DMXL1: variants seen among roughly 807,000 people sequenced by gnomAD.
The protein encoded by DMXL1 is Dmx like 1.
In DMXL1, 99 loss-of-function variants were observed where a neutral mutation model predicts 319.2. The observed-to-expected ratio is 0.31, with a 90% confidence interval of 0.26 to 0.37. The LOEUF (loss-of-function observed/expected upper bound fraction) is 0.37, where lower values mean the gene tolerates loss of function less well. DMXL1 is among the 10% of genes least tolerant of loss of function. The pLI, the probability that DMXL1 is intolerant of heterozygous loss-of-function variation, is 1.00. For missense variants in DMXL1, 3,745 were observed against 3,595.6 expected (o/e 1.04, Z -1.06); for synonymous variants, 1,385 against 1,235.2 (o/e 1.12, Z -2.54).
intron 10 of DMXL1, among the ~76,000 whole-genome samples, chr5:119,130,805 G>C (rs1764699556): frequency 6.6e-6 from 1 of 151,998 alleles, no homozygotes; most frequent in Non-Finnish European, 1.5e-5. Flanking sequence ...ACAATGACTT[G>C]TCTTTTTCTT....
chr5:119,131,180 T>C (rs1373000455), intron 10 of DMXL1, among the ~76,000 whole-genome samples: 1 of 151,692 alleles, frequency 6.6e-6, no homozygotes, highest in Non-Finnish European at 1.5e-5. Flanking sequence ...TATTGATTTG[T>C]ATATCTTGAC....
At chr5:119,130,270 C>T (rs1463959956) in intron 10 of DMXL1, among the ~76,000 whole-genome samples, 2 of 152,026 alleles carry the variant, frequency 1.3e-5, no homozygotes, top group African/African-American at 2.4e-5. Context: ...CATCTAAATA[C>T]AGACACTTAA....
At chr5:119,198,643 A>G (rs1203243203) in intron 32 of DMXL1, among the ~76,000 whole-genome samples, 1 of 152,248 alleles carries the variant, frequency 6.6e-6, no homozygotes, top group Non-Finnish European at 1.5e-5. Context: ...TTCTAAAATC[A>G]GATGGAACCA....
At chr5:119,185,098 T>C (rs1777473223) in intron 28 of DMXL1, among the ~76,000 whole-genome samples, 2 of 152,118 alleles carry the variant, frequency 1.3e-5, no homozygotes, top group Non-Finnish European at 2.9e-5. Flanking sequence ...ACTTTCCTTC[T>C]TCCCCTTCTT....
chr5:119,144,102 C>T (rs1768006028), intron 14 of DMXL1, among the ~76,000 whole-genome samples, 172 bp downstream of exon 14: 1 of 151,786 alleles, frequency 6.6e-6, no homozygotes, highest in African/African-American at 2.4e-5. Flanking sequence ...ACTTCCTAGA[C>T]TTCAAACTAG....
At chr5:119,222,177 A>C (rs1581411427) in intron 37 of DMXL1, among the ~76,000 whole-genome samples, 1 of 152,192 alleles carries the variant, frequency 6.6e-6, no homozygotes, top group African/African-American at 2.4e-5. Flanking sequence ...TATAATTTGC[A>C]GTATCTGTTG....
intron 5 of DMXL1, among the ~76,000 whole-genome samples, 185 bp from the exon 6 acceptor site, chr5:119,114,290 G>A (rs1409942209): frequency 6.6e-6 from 1 of 152,174 alleles, no homozygotes; most frequent in African/African-American, 2.4e-5. Context: ...GTCTATGGGT[G>A]TATGTTTTTA....
At chr5:119,121,626 G>A (rs2149952228) in intron 9 of DMXL1, among the ~76,000 whole-genome samples, 1 of 152,266 alleles carries the variant, frequency 6.6e-6, no homozygotes, top group South Asian at 2.1e-4. Flanking sequence ...AGGATCCCAA[G>A]GCAGAAGAAT....
rs527535626 is a variant in DMXL1 at position 119,247,977 on chromosome 5, C to T, written c.*758C>T. On this transcript the variant is annotated 3_prime_UTR_variant, in exon 44 of 44. Transcript: ENST00000539542. ...TTTTAAAAAATTTTTGAATTCCCAT[C>T]CTAATTTTCAAATAAGTTTCAAGGA... is the stretch of plus-strand genomic sequence containing the variant. The T allele has an allele frequency of 1.3e-5, 2 of 152,062 alleles. No individual in the cohort carries two copies. Among genetic ancestry groups the T allele is most frequent in the South Asian group, 2.1e-4 (1 of 4,814 alleles). 9.4% of individuals were successfully genotyped at this position (152,062 alleles called of 1,614,324 possible). A position where few individuals can be genotyped will look rare whatever the true frequency, so the allele number is the denominator to read the frequency against.
At chr5:119,091,477 TG>T in intron 1 of DMXL1, among the ~76,000 whole-genome samples, 1 of 152,306 alleles carries the variant, frequency 6.6e-6, no homozygotes, top group East Asian at 1.9e-4. Context: ...CTCCCAGTGT[TG>T]GGATTACAGG....
intron 35 of DMXL1, among the ~76,000 whole-genome samples, chr5:119,218,180 C>G (rs951993735): frequency 1.3e-5 from 2 of 151,998 alleles, no homozygotes; most frequent in African/African-American, 4.8e-5. Context: ...AGTTTGATAC[C>G]AGCCTGGGCA....
chr5:119,146,404 A>G (rs968978741), intron 15 of DMXL1, among the ~76,000 whole-genome samples: 4 of 151,972 alleles, frequency 2.6e-5, no homozygotes, highest in African/African-American at 9.7e-5. Flanking sequence ...ATGTTTTATA[A>G]TGAAAACTTA....
chr5:119,209,241 C>T (rs1430003557), intron 34 of DMXL1, among the ~76,000 whole-genome samples: 4 of 151,986 alleles, frequency 2.6e-5, no homozygotes, highest in Non-Finnish European at 1.5e-5. Flanking sequence ...AAGACTGGAT[C>T]ATGTGTAGGT....
At chr5:119,074,096 T>G (rs569485262) in intron 1 of DMXL1, among the ~76,000 whole-genome samples, 1 of 152,256 alleles carries the variant, frequency 6.6e-6, no homozygotes, top group African/African-American at 2.4e-5. Flanking sequence ...TTTTGTATTT[T>G]TTAGTAGAGG....
At chr5:119,083,760 A>G (rs1580591683) in intron 1 of DMXL1, among the ~76,000 whole-genome samples, 1 of 151,868 alleles carries the variant, frequency 6.6e-6, no homozygotes, top group Non-Finnish European at 1.5e-5. Context: ...CTGGTCTCAA[A>G]CTCCTGGCCT....
At chr5:119,145,543 A>G (rs1023442754) in intron 15 of DMXL1, among the ~76,000 whole-genome samples, 3 of 151,864 alleles carry the variant, frequency 2.0e-5, no homozygotes, top group South Asian at 4.1e-4. Context: ...TATAAACAAA[A>G]CTATCCTTTT....
intron 9 of DMXL1, among the ~76,000 whole-genome samples, chr5:119,123,345 G>A (rs1762672120): frequency 8.1e-6 from 1 of 124,028 alleles, no homozygotes; most frequent in Non-Finnish European, 1.8e-5. Context: ...GAGGGAGAGG[G>A]AGAGGAGGGA....
At chr5:119,145,125 C>G (rs1001812523) in intron 15 of DMXL1, among the ~76,000 whole-genome samples, 3 of 151,824 alleles carry the variant, frequency 2.0e-5, no homozygotes, top group African/African-American at 7.2e-5. Context: ...GCTACAGTCT[C>G]TTGGTCATCA....
intron 32 of DMXL1, among the ~76,000 whole-genome samples, chr5:119,198,927 A>G (rs1050745622): frequency 6.6e-6 from 1 of 152,104 alleles, no homozygotes; most frequent in African/African-American, 2.4e-5. Context: ...TGCTCTATTA[A>G]TCAGGCTGGA....
Sources: gnomAD v4.1 joint callset for allele counts (sites outside exome capture counted in the v4.1 genomes callset) on GRCh38, gnomAD v4.1.1 for gene constraint, MANE v1.5 for transcripts, NCBI Gene and HGNC (gene_info 2026-07-23, HGNC 2026-07-21) for gene names.